Variants in LHPP observed in about 807,000 individuals in gnomAD.
LHPP encodes hLHPP.
In LHPP, 24 loss-of-function variants were observed where a neutral mutation model predicts 30.3. The ratio of observed to expected loss-of-function variants is 0.79; its 90% CI spans 0.57 to 1.11. The LOEUF is 1.11. LHPP is among the 50% of genes most tolerant of loss of function. LHPP has a pLI of 0.00. For synonymous variants in LHPP, 150 were observed against 157.1 expected (o/e 0.95, Z 0.34); for missense variants, 356 against 367.2 (o/e 0.97, Z 0.25).
At chr10:124,595,598 T>C (rs762961300) in intron 6 of LHPP, among the ~76,000 whole-genome samples, 14 of 152,178 alleles carry the variant, frequency 9.2e-5, no homozygotes, top group Non-Finnish European at 1.6e-4. Context: ...CAAAGCTAAG[T>C]TTTTTCGCTC....
Position 124,488,561 on chromosome 10 carries a change from A to T in LHPP, c.453A>T (p.Ile151=), listed in dbSNP as rs548617539. The stretch of plus-strand genomic sequence containing the variant: ...TGGAGCTGGAAAAACCTGTGCTCAT[A>T]TCACTGGGAAAAGGGTAAGTTGGCT... ...VLMELEKPVL[I]SLGKGRYYKE... is the part of the protein sequence containing the mutation. Residue 151 remains isoleucine, a synonymous_variant, in exon 3 of 7, where the codon ATA becomes ATT. Transcript: ENST00000368842. The T allele has an allele frequency of 1.2e-6, 2 of 1,611,612 alleles. No individual in the cohort carries two copies. Among genetic ancestry groups the T allele is most frequent in the African/African-American group, 2.7e-5 (2 of 74,740 alleles).
chr10:124,505,389 A>T (rs757412214), intron 5 of LHPP, among the ~76,000 whole-genome samples: 2 of 152,196 alleles, frequency 1.3e-5, no homozygotes, highest in Non-Finnish European at 2.9e-5. Context: ...GCTTTAATCA[A>T]TAAAGTTATC....
At chr10:124,538,810 C>G (rs1955104015) in intron 6 of LHPP, among the ~76,000 whole-genome samples, 1 of 152,222 alleles carries the variant, frequency 6.6e-6, no homozygotes, top group Admixed American at 6.5e-5. Flanking sequence ...ACTGCTTGGA[C>G]AGTCATGGTC....
At chr10:124,463,890 C>A (rs1952481384) in intron 1 of LHPP, among the ~76,000 whole-genome samples, 1 of 149,636 alleles carries the variant, frequency 6.7e-6, no homozygotes, top group South Asian at 2.1e-4. Context: ...GGTTCAATCT[C>A]ACTGCAACCT....
chr10:124,517,141 C>T lies in LHPP; in HGVS notation c.625-39C>T, dbSNP rs1019927308. 3.5e-6 allele frequency: 5 copies of T among 1,432,168 alleles called. No homozygotes were observed. The African/African-American group carries it at 4.3e-5, about 12-fold the overall frequency. 88.7% of individuals were successfully genotyped at this position (1,432,168 alleles called of 1,614,324 possible). ...TGAAGGAGCCCGGGAATAAAACTCT[C>T]CTGACATCACTTCTGAGCGTATTTC... On this transcript the variant is annotated intron_variant, in intron 5 of 6. Coordinates refer to ENST00000368842, the MANE Select transcript of LHPP (RefSeq NM_022126.4). The surrounding 1 kb of genome is among the most constrained non-coding windows in gnomAD (Gnocchi z 4.1).
rs958769949 is a variant in LHPP at position 124,517,175 on chromosome 10, G to T, written c.625-5G>T. ...ACTTCTGAGCGTATTTCACTGCCGT[G>T]ACAGGCCGTCATGATTGGGGACGAT... On this transcript the variant is annotated splice_region_variant and splice_polypyrimidine_tract_variant and intron_variant, in intron 5 of 6. Coordinates refer to ENST00000368842, the MANE Select transcript of LHPP (RefSeq NM_022126.4). This position sits in a 1 kb window ranked among gnomAD's most constrained non-coding sequence, Gnocchi z 4.1. 2 of 1,597,522 alleles carry T rather than the reference G, an allele frequency of 1.3e-6. No individual in the cohort carries two copies. Among genetic ancestry groups the T allele is most frequent in the Admixed American group, 3.5e-5 (2 of 57,296 alleles).
At position 124,541,550 on chromosome 10, in the gene LHPP, A is replaced by T. The variant is rs151032189; in HGVS notation, c.716+24279A>T. ...GTGTCCCTAGCATATCTCGAATGGCAGGCTGAGGCTCGAAAGTCTCATGCC... is the reference window on the plus strand; with the variant it reads ...GTGTCCCTAGCATATCTCGAATGGCTGGCTGAGGCTCGAAAGTCTCATGCC... On this transcript the variant is annotated intron_variant, in intron 6 of 6. Transcript: ENST00000368842. This position sits in a 1 kb window ranked among gnomAD's most constrained non-coding sequence, Gnocchi z 4.2. Among the ~76,000 whole-genome samples the T allele has an allele frequency of 1.2e-3, 177 of 152,076 alleles. No individual in the cohort carries two copies. In the East Asian group the frequency reaches 0.014, roughly 12 times the overall value.
At chr10:124,462,142 C>G (rs1430455651) in intron 1 of LHPP, among the ~76,000 whole-genome samples, 155 bp downstream of exon 1, 1 of 152,120 alleles carries the variant, frequency 6.6e-6, no homozygotes, top group African/African-American at 2.4e-5. Flanking sequence ...ACAGTGCTGA[C>G]CACGGACGAC....
chr10:124,570,762 T>C lies in LHPP; in HGVS notation c.717-42502T>C, dbSNP rs56325105. Among the ~76,000 whole-genome samples, 855 of 152,354 alleles carry C rather than the reference T, an allele frequency of 5.6e-3. 17 individuals are homozygous for C. Among genetic ancestry groups the C allele is most frequent in the African/African-American group, 0.02 (828 of 41,576 alleles). ...CTGACTCCATTCACTTTGCTTAATG[T>C]CTTGACCGTTCATCTGTGTTACGGT... is the stretch of plus-strand genomic sequence containing the variant. On this transcript the variant is annotated intron_variant, in intron 6 of 6. Transcript: ENST00000368842.
At position 124,534,662 on chromosome 10, in the gene LHPP, G is replaced by A. The variant is rs147403758; in HGVS notation, c.716+17391G>A. 4.6e-3 allele frequency among the ~76,000 whole-genome samples: 699 copies of A among 152,328 alleles called. 2 individuals are homozygous for A. The highest frequency in any genetic ancestry group is 7.5e-3 in the Non-Finnish European group (512 of 68,028). ...CCAGTGAGGCCCCCGGGAGACAGGC[G>A]AGACCGCTGTGAGCGCCCGTCCTTC... On this transcript the variant is annotated intron_variant, in intron 6 of 6. Transcript: ENST00000368842.
Position 124,596,331 on chromosome 10 carries a change from T to G in LHPP, c.717-16933T>G, listed in dbSNP as rs1002154700. On this transcript the variant is annotated intron_variant, in intron 6 of 6. Coordinates refer to ENST00000368842, the MANE Select transcript of LHPP (RefSeq NM_022126.4). The surrounding 1 kb of genome is among the most constrained non-coding windows in gnomAD (Gnocchi z 4.6). ...AGTGTAGGAGACTCTTGCCAAACAT[T>G]TCTCCAGAGTGTCTGATGTACCATG... Among the ~76,000 whole-genome samples, 1 of 152,130 alleles carries G rather than the reference T, an allele frequency of 6.6e-6. No homozygotes were observed. Among genetic ancestry groups the G allele is most frequent in the Non-Finnish European group, 1.5e-5 (1 of 68,016 alleles).
chr10:124,567,797 TGC>T (rs1256163598), intron 6 of LHPP, among the ~76,000 whole-genome samples: 1 of 152,244 alleles, frequency 6.6e-6, no homozygotes, highest in Non-Finnish European at 1.5e-5. Context: ...TGGACACACA[TGC>T]GCATGCATGC....
chr10:124,505,178 T>G (rs886714493), intron 5 of LHPP, among the ~76,000 whole-genome samples: 2 of 152,172 alleles, frequency 1.3e-5, no homozygotes, highest in African/African-American at 4.8e-5. Flanking sequence ...CCTAAAATGC[T>G]CACTAACGTT....
intron 5 of LHPP, among the ~76,000 whole-genome samples, chr10:124,514,405 G>A (rs34702563): frequency 0.12 from 17,949 of 152,036 alleles, 1,410 homozygotes; most frequent in Non-Finnish European, 0.16. Flanking sequence ...TTTCCGCTTC[G>A]GATGTCTGAA....
intron 1 of LHPP, among the ~76,000 whole-genome samples, chr10:124,473,307 G>C (rs765346900): frequency 5.3e-5 from 8 of 152,154 alleles, no homozygotes; most frequent in Non-Finnish European, 1.0e-4. Context: ...CCAGGCCCCC[G>C]GCAACAGGCA....
intron 4 of LHPP, 27 bp from the exon 5 acceptor site, chr10:124,498,009 A>G (rs1301780623): frequency 1.3e-6 from 2 of 1,583,608 alleles, no homozygotes; most frequent in Admixed American, 1.7e-5. Context: ...TCCCAAACTT[A>G]TGCCATGTCC....
intron 1 of LHPP, 65 bp downstream of exon 1, chr10:124,462,052 C>T (rs1249086961): frequency 2.4e-5 from 28 of 1,170,700 alleles, no homozygotes; most frequent in Non-Finnish European, 3.0e-5. Context: ...CCCTGGCTGC[C>T]GGCAGGGGGC....
Position 124,510,244 on chromosome 10 carries a change from G to T in LHPP, c.625-6936G>T, listed in dbSNP as rs1241044491. Among the ~76,000 whole-genome samples, 6 of 152,180 alleles carry T rather than the reference G, an allele frequency of 3.9e-5. No individual in the cohort carries two copies. Among genetic ancestry groups the T allele is most frequent in the Admixed American group, 3.9e-4 (6 of 15,278 alleles). On this transcript the variant is annotated intron_variant, in intron 5 of 6. Coordinates refer to ENST00000368842, the MANE Select transcript of LHPP (RefSeq NM_022126.4). This position sits in a 1 kb window ranked among gnomAD's most constrained non-coding sequence, Gnocchi z 4.0. ...GCCAGTGATTTTTTAAATCCTAAAT[G>T]ATTTGGCAATAATTGCTCCTCCTTG...
At chr10:124,568,454 G>A (rs1029188674) in intron 6 of LHPP, among the ~76,000 whole-genome samples, 1 of 152,166 alleles carries the variant, frequency 6.6e-6, no homozygotes, top group Admixed American at 6.6e-5. Flanking sequence ...GCTTTATGGA[G>A]GTGAAACCGC....
Sources: allele counts gnomAD v4.1 joint callset (sites outside exome capture counted in the v4.1 genomes callset), GRCh38; gene constraint gnomAD v4.1.1; non-coding constraint Gnocchi (gnomAD v3.1); transcripts MANE v1.5; gene names NCBI Gene and HGNC (gene_info 2026-07-23, HGNC 2026-07-21).